The following VPS13C variants were observed in gnomAD, a reference collection of about 807,000 sequenced individuals.
VPS13C encodes the protein intermembrane lipid transfer protein VPS13C.
A neutral mutation model predicts 456.8 loss-of-function variants in VPS13C; 358 were observed. That is an observed-to-expected ratio of 0.78 (90% CI 0.72 to 0.86). The LOEUF (loss-of-function observed/expected upper bound fraction) is 0.86. Ranked by LOEUF, VPS13C falls within the 40% of genes least tolerant of loss-of-function variation. The pLI is 0.00. For missense variants in VPS13C, 4,818 were observed against 4,385.4 expected, an observed-to-expected ratio of 1.10 and a Z score of -2.79; for synonymous variants, 1,578 against 1,486.7, an observed-to-expected ratio of 1.06 and a Z score of -1.41.
chr15:62,011,505 C>T (rs922890642), intron 12 of VPS13C, among the ~76,000 whole-genome samples: 6 of 151,720 alleles, frequency 4.0e-5, no homozygotes, highest in Non-Finnish European at 7.4e-5. Flanking sequence ...CAGAGTAATA[C>T]GGAACAACGT....
intron 26 of VPS13C, among the ~76,000 whole-genome samples, chr15:61,973,232 T>C (rs2045608225): frequency 6.6e-6 from 1 of 152,094 alleles, no homozygotes; most frequent in Non-Finnish European, 1.5e-5. Flanking sequence ...TAAGTAAGCA[T>C]TGTCAACTAC....
At chr15:62,015,591 C>T (rs1287840088) in intron 9 of VPS13C, among the ~76,000 whole-genome samples, 11 of 145,052 alleles carry the variant, frequency 7.6e-5, no homozygotes, top group African/African-American at 2.9e-4. Flanking sequence ...GAATACTATG[C>T]AGCCATAAAA....
At chr15:61,911,754 G>C in intron 63 of VPS13C, 86 bp downstream of exon 63, 1 of 1,188,318 alleles carries the variant, frequency 8.4e-7, no homozygotes, top group Non-Finnish European at 1.1e-6. Flanking sequence ...ATGATAGTCT[G>C]AAAAAGAGGT....
intron 1 of VPS13C, among the ~76,000 whole-genome samples, chr15:62,047,205 C>T (rs1207393804): frequency 2.0e-5 from 3 of 151,722 alleles, no homozygotes; most frequent in Admixed American, 6.6e-5. Context: ...GCAGGTGGAT[C>T]ACAAGTTCAG....
chr15:61,903,054 A>T (rs576228362), intron 66 of VPS13C, among the ~76,000 whole-genome samples: 131 of 152,224 alleles, frequency 8.6e-4, no homozygotes, highest in African/African-American at 2.9e-3. Flanking sequence ...GGCTGGGCAC[A>T]GTGGCTCATG....
chr15:61,869,382 A>T (rs1596272574), intron 80 of VPS13C, 118 bp downstream of exon 80: 1 of 1,170,008 alleles, frequency 8.5e-7, no homozygotes, highest in East Asian at 2.6e-5. Context: ...AAGCTACCAC[A>T]GCTTTCAATT....
intron 15 of VPS13C, among the ~76,000 whole-genome samples, chr15:62,004,172 C>T (rs1409032576): frequency 5.3e-5 from 8 of 151,766 alleles, no homozygotes; most frequent in South Asian, 4.2e-4. Context: ...GGTTGGTAAA[C>T]TATTGATTAT....
rs1894662490 is a variant in VPS13C, at chr15:61,867,305, TTA to T, written c.10863+1352_10863+1353del. ...AACATAATTATAAAATGGCTATCAT[TTA>T]TTTAGCAACAGTACCAAGGGGTTAA... On this transcript the variant is annotated intron_variant, in intron 81 of 84. Coordinates refer to ENST00000644861, the MANE Select transcript of VPS13C (RefSeq NM_020821.3). The surrounding 1 kb of genome is among the most constrained non-coding windows in gnomAD (Gnocchi z 5.0). 8.1e-6 allele frequency: 8 copies of T among 984,946 alleles called. No homozygotes were observed. The highest frequency in any genetic ancestry group is 8.4e-6 in the Non-Finnish European group (7 of 829,510). The allele number at this position is 984,946 out of a possible 1,614,324, so 61.0% of individuals were successfully genotyped here.
intron 69 of VPS13C, 41 bp from the exon 70 acceptor site, chr15:61,881,869 T>C (rs756400908): frequency 7.2e-6 from 11 of 1,527,074 alleles, no homozygotes; most frequent in Non-Finnish European, 9.7e-6. Context: ...TTTCAAATAA[T>C]TTAAACTTTT....
Position 61,973,506 on chromosome 15 carries a change from A to T in VPS13C, c.2565T>A (p.Gly855=). 3.1e-6 allele frequency: 5 copies of T among 1,612,728 alleles called. No individual in the cohort carries two copies. Among genetic ancestry groups the T allele is most frequent in the Non-Finnish European group, 4.2e-6 (5 of 1,179,050 alleles). Residue 855 remains glycine (G), a synonymous_variant, in exon 26 of 85, where the codon GGT becomes GGA. Transcript: ENST00000644861. ...RQVSSIPIIS[G]GTKGLLGTSL... ...AAGTACCAAGTAGACCTTTTGTACC[A>T]CCTGAAATAATAGGAATTGAGGATA...
chr15:61,977,825 G>A (rs2045750160), intron 23 of VPS13C, among the ~76,000 whole-genome samples: 1 of 152,100 alleles, frequency 6.6e-6, no homozygotes, highest in South Asian at 2.1e-4. Flanking sequence ...AGAAAAGGCA[G>A]TTTTAATGGT....
chr15:62,042,017 T>C (rs1241881885), intron 2 of VPS13C, among the ~76,000 whole-genome samples: 4 of 152,076 alleles, frequency 2.6e-5, no homozygotes, highest in Admixed American at 6.5e-5. Context: ...TCTGAAATAC[T>C]AGAACAGAAA....
intron 15 of VPS13C, among the ~76,000 whole-genome samples, chr15:62,003,502 A>G (rs1211687165): frequency 6.6e-6 from 1 of 152,008 alleles, no homozygotes; most frequent in East Asian, 1.9e-4. Flanking sequence ...CTAATTGAAT[A>G]CCCTTTAGTT....
intron 82 of VPS13C, 74 bp from the exon 83 acceptor site, chr15:61,856,483 C>T (rs1893912246): frequency 1.9e-6 from 3 of 1,563,680 alleles, no homozygotes; most frequent in South Asian, 2.4e-5. Flanking sequence ...TTTCACCCTA[C>T]TGGATGGCAG....
chr15:61,995,942 C>CCATGGAGCACAGCAGAGGAA (rs1167049281), intron 16 of VPS13C, among the ~76,000 whole-genome samples: 2 of 152,158 alleles, frequency 1.3e-5, no homozygotes, highest in African/African-American at 4.8e-5. Flanking sequence ...AAGGGCCTCA[C>CCATGGAGCACAGCAGAGGAA]CATGGAGCAC....
At chr15:61,979,071 C>G (rs1015911447) in intron 22 of VPS13C, among the ~76,000 whole-genome samples, 2 of 152,056 alleles carry the variant, frequency 1.3e-5, no homozygotes, top group African/African-American at 4.8e-5. Context: ...GAGTCCAGCT[C>G]CCCTGACCCC....
chr15:62,000,766 T>A (rs1220480499), intron 15 of VPS13C, 140 bp from the exon 16 acceptor site: 1 of 566,202 alleles, frequency 1.8e-6, no homozygotes, highest in South Asian at 4.7e-5. Context: ...TTTGAATGTA[T>A]TCTAGACTTT....
intron 52 of VPS13C, among the ~76,000 whole-genome samples, chr15:61,926,771 A>G (rs1292010665): frequency 6.6e-6 from 1 of 152,224 alleles, no homozygotes; most frequent in African/African-American, 2.4e-5. Flanking sequence ...ATATTCACTC[A>G]TTCATTAATT....
At chr15:61,895,142 TA>T (rs1566976512) in intron 66 of VPS13C, among the ~76,000 whole-genome samples, 1 of 151,812 alleles carries the variant, frequency 6.6e-6, no homozygotes, top group African/African-American at 2.4e-5. Flanking sequence ...AAGAAGGAAA[TA>T]AAAAATTTTC....
Sources: allele counts gnomAD v4.1 joint callset (sites outside exome capture counted in the v4.1 genomes callset), GRCh38; gene constraint gnomAD v4.1.1; non-coding constraint Gnocchi (gnomAD v3.1); transcripts MANE v1.5; gene names NCBI Gene and HGNC (gene_info 2026-07-23, HGNC 2026-07-21).